The following ENPP6 variants were observed in gnomAD, a reference collection of about 807,000 sequenced individuals.
The protein encoded by ENPP6 is ectonucleotide pyrophosphatase/phosphodiesterase 6, also known as glycerophosphocholine cholinephosphodiesterase ENPP6.
A neutral mutation model predicts 42.0 loss-of-function variants in ENPP6; 32 were observed. The observed-to-expected ratio is 0.76, with a 90% CI of 0.58 to 1.02. The LOEUF (loss-of-function observed/expected upper bound fraction) is 1.02, where lower values mean the gene tolerates loss of function less well. ENPP6 is among the 50% of genes least tolerant of loss of function. The pLI is 0.00. For missense variants in ENPP6, 552 were observed against 566.8 expected (o/e 0.97, Z 0.27); for synonymous variants, 213 against 216.0 (o/e 0.99, Z 0.12).
chr4:184,189,383 C>T (rs1325569244), intron 1 of ENPP6, among the ~76,000 whole-genome samples: 2 of 152,206 alleles, frequency 1.3e-5, no homozygotes, highest in Non-Finnish European at 1.5e-5. Context: ...AATCCTACCT[C>T]AAATCAGGCC....
chr4:184,132,348 G>C (rs1038909061), intron 2 of ENPP6, among the ~76,000 whole-genome samples: 1 of 151,888 alleles, frequency 6.6e-6, no homozygotes, highest in Admixed American at 6.6e-5. Flanking sequence ...TTGACCATTG[G>C]GATACCCAAT....
intron 2 of ENPP6, among the ~76,000 whole-genome samples, chr4:184,141,109 AT>A (rs1736812462): frequency 1.3e-5 from 2 of 152,188 alleles, no homozygotes; most frequent in Non-Finnish European, 2.9e-5. Flanking sequence ...AAAAGAAGAC[AT>A]TTAACCGAGG....
At chr4:184,192,755 A>G (rs1732727602) in intron 1 of ENPP6, among the ~76,000 whole-genome samples, 1 of 152,242 alleles carries the variant, frequency 6.6e-6, no homozygotes, top group African/African-American at 2.4e-5. Context: ...TAAAAATAAA[A>G]TGACAATCTA....
intron 6 of ENPP6, among the ~76,000 whole-genome samples, chr4:184,106,544 TC>T (rs1736100695): frequency 6.6e-6 from 1 of 151,966 alleles, no homozygotes; most frequent in African/African-American, 2.4e-5. Context: ...GGAGAGCACT[TC>T]CTCTTCCCGC....
intron 6 of ENPP6, among the ~76,000 whole-genome samples, chr4:184,111,832 T>G (rs4241784): frequency 0.59 from 89,165 of 152,038 alleles, 26,341 homozygotes; most frequent in Non-Finnish European, 0.61. Flanking sequence ...GCCTTCCTGC[T>G]GATCATCGCC....
At position 184,124,243 on chromosome 4, in the gene ENPP6, G is replaced by T. The variant is rs368940111; in HGVS notation, c.451C>A (p.Pro151Thr). 1.9e-6 allele frequency: 3 copies of T among 1,613,856 alleles called. No individual in the cohort carries two copies. Among genetic ancestry groups the T allele is most frequent in the Non-Finnish European group, 2.5e-6 (3 of 1,179,950 alleles). ...GCEVEILGVRPTYCLEYKNVP... is the reference protein window; with the variant it reads ...GCEVEILGVRTTYCLEYKNVP... ...TTTTTATATTCTAGGCAGTAGGTGG[G>T]TCTGACACCCAGAATCTCAACCTCA... is the stretch of plus-strand genomic sequence containing the variant. Residue 151 changes from proline (P) to threonine (T), a missense_variant, in exon 3 of 8, where the codon CCC becomes ACC. Coordinates refer to ENST00000296741, the MANE Select transcript of ENPP6 (RefSeq NM_153343.4).
At chr4:184,111,095 T>C (rs1481512261) in intron 6 of ENPP6, among the ~76,000 whole-genome samples, 1 of 152,128 alleles carries the variant, frequency 6.6e-6, no homozygotes, top group East Asian at 1.9e-4. Context: ...CCTCTGGCCC[T>C]GCACTCCCCT....
rs1334282197 is a variant in ENPP6 at position 184,153,555 on chromosome 4, T to C, written c.420A>G (p.Pro140=). The C allele has an allele frequency of 7.4e-6, 12 of 1,611,194 alleles. No individual in the cohort carries two copies. Among genetic ancestry groups the C allele is most frequent in the African/African-American group, 1.3e-5 (1 of 74,806 alleles). ...AKRKVYMYYW[P]GCEVEILGVR... is the part of the protein sequence containing the mutation. ...TGGAATGGATGTTCACACACTCACC[T>C]GGCCAGTAGTACATGTAGACCTTCC... The change falls in exon 2 of 8, where the codon CCA becomes CCG. Residue 140 remains proline (P), a splice_region_variant and synonymous_variant. Coordinates refer to ENST00000296741, the MANE Select transcript of ENPP6 (RefSeq NM_153343.4).
chr4:184,114,908 C>T (rs4862311), intron 5 of ENPP6, among the ~76,000 whole-genome samples: 79,831 of 152,040 alleles, frequency 0.53, 21,647 homozygotes, highest in Non-Finnish European at 0.6. Context: ...CAGTCCCTGA[C>T]CATGGAGCCT....
intron 1 of ENPP6, among the ~76,000 whole-genome samples, chr4:184,215,026 G>T (rs569121798): frequency 2.6e-5 from 4 of 152,286 alleles, no homozygotes; most frequent in African/African-American, 7.2e-5. Context: ...CCCATGCATT[G>T]CCTAGTTCTA....
intron 1 of ENPP6, among the ~76,000 whole-genome samples, chr4:184,168,662 C>T (rs957177121): frequency 1.3e-5 from 2 of 152,220 alleles, no homozygotes; most frequent in African/African-American, 4.8e-5. Context: ...CGAGAGGCGC[C>T]AGGCTGGGCC....
intron 3 of ENPP6, among the ~76,000 whole-genome samples, chr4:184,122,782 C>T (rs1579620616): frequency 6.6e-6 from 1 of 152,294 alleles, no homozygotes; most frequent in Admixed American, 6.5e-5. Context: ...CAACTCTAAC[C>T]CGAAATTTCA....
chr4:184,146,769 A>G (rs114138656), intron 2 of ENPP6, among the ~76,000 whole-genome samples: 1,727 of 152,262 alleles, frequency 0.011, 39 homozygotes, highest in African/African-American at 0.04. Context: ...TCAGATGGCT[A>G]CGCAGAGAGT....
chr4:184,104,734 C>G (rs1262017680), intron 6 of ENPP6, among the ~76,000 whole-genome samples: 1 of 152,218 alleles, frequency 6.6e-6, no homozygotes, highest in Non-Finnish European at 1.5e-5. Context: ...AACAATCTGT[C>G]AATAAGTAGT....
chr4:184,199,666 C>T (rs1171816458), intron 1 of ENPP6, among the ~76,000 whole-genome samples: 1 of 152,208 alleles, frequency 6.6e-6, no homozygotes, highest in African/African-American at 2.4e-5. Flanking sequence ...GGACTTCTGT[C>T]TGCTGCCGTC....
intron 6 of ENPP6, among the ~76,000 whole-genome samples, chr4:184,107,965 C>T (rs1339285919): frequency 2.0e-5 from 3 of 151,622 alleles, no homozygotes; most frequent in Non-Finnish European, 2.9e-5. Context: ...TTTTCAGTGA[C>T]GCCTCTCTAA....
intron 1 of ENPP6, among the ~76,000 whole-genome samples, chr4:184,197,215 C>G (rs1278528140): frequency 6.6e-6 from 1 of 152,182 alleles, no homozygotes; most frequent in African/African-American, 2.4e-5. Context: ...CAGCCACAAT[C>G]TTCTACGTGG....
intron 1 of ENPP6, among the ~76,000 whole-genome samples, chr4:184,180,179 A>G (rs556091352): frequency 6.6e-6 from 1 of 152,294 alleles, no homozygotes; most frequent in South Asian, 2.1e-4. Flanking sequence ...AAAATTATAA[A>G]GGGGATATCA....
intron 3 of ENPP6, among the ~76,000 whole-genome samples, chr4:184,120,640 A>G (rs13126302): frequency 0.7 from 106,935 of 152,062 alleles, 38,160 homozygotes; most frequent in African/African-American, 0.81. Flanking sequence ...GGATGGGAGT[A>G]AGTGATGCAG....
Sources: allele counts gnomAD v4.1 joint callset (sites outside exome capture counted in the v4.1 genomes callset), GRCh38; gene constraint gnomAD v4.1.1; transcripts MANE v1.5; gene names NCBI Gene and HGNC (gene_info 2026-07-23, HGNC 2026-07-21).